The following SNTG1 variants were observed in gnomAD, a reference collection of about 807,000 sequenced individuals.
The protein encoded by SNTG1 is syntrophin gamma 1.
In SNTG1, 39 loss-of-function variants were observed where a neutral mutation model predicts 74.7. The ratio of observed to expected loss-of-function variants is 0.52; its 90% CI spans 0.40 to 0.68. The LOEUF (loss-of-function observed/expected upper bound fraction) is 0.68. SNTG1 is among the 30% of genes least tolerant of loss of function. The pLI, the probability that SNTG1 is intolerant of heterozygous loss-of-function variation, is 0.00. For synonymous variants in SNTG1, 254 were observed against 217.1 expected, an observed-to-expected ratio of 1.17 and a Z score of -1.49; for missense variants, 685 against 609.5, an observed-to-expected ratio of 1.12 and a Z score of -1.30.
At chr8:50,402,659 T>C (rs535776279) in intron 4 of SNTG1, among the ~76,000 whole-genome samples, 145 of 152,280 alleles carry the variant, frequency 9.5e-4, no homozygotes, top group Non-Finnish European at 1.6e-3. Context: ...CTGTGCATGG[T>C]GATGGCTTTT....
In SNTG1 at chr8:49,942,681, G is replaced by A. The variant is rs73569327; in HGVS notation, c.-103+30450G>A. Among the ~76,000 whole-genome samples, 1,232 of 152,208 alleles carry A rather than the reference G, an allele frequency of 8.1e-3. 23 individuals carry two copies. The highest frequency in any genetic ancestry group is 0.027 in the African/African-American group (1,118 of 41,532). On this transcript the variant is annotated intron_variant, in intron 1 of 18. Coordinates refer to ENST00000642720, the MANE Select transcript of SNTG1 (RefSeq NM_018967.5). ...GAGGCATAATTGTCAGATATTCTAT[G>A]GGATGTCCCTATATTGGGGTTTCTT...
rs780299204 is a variant in SNTG1 at position 50,792,562 on chromosome 8, A to G, written c.1396-109A>G. 32 of 1,128,550 alleles carry G rather than the reference A, an allele frequency of 2.8e-5. 1 individual carries two copies. The highest frequency in any genetic ancestry group is 4.0e-5 in the Non-Finnish European group (32 of 803,328). 69.9% of individuals were successfully genotyped at this position (1,128,550 alleles called of 1,614,324 possible). On this transcript the variant is annotated intron_variant, in intron 18 of 18. Coordinates refer to ENST00000642720, the MANE Select transcript of SNTG1 (RefSeq NM_018967.5). ...TGAAATTAGTTTCCACATGTTACAT[A>G]TCATAGATTCTAGATAAGTGTATTG...
chr8:50,480,417 A>G (rs1467663670), intron 8 of SNTG1, among the ~76,000 whole-genome samples: 1 of 152,198 alleles, frequency 6.6e-6, no homozygotes, highest in African/African-American at 2.4e-5. Flanking sequence ...AATATGTGTA[A>G]GGCCACTGTA....
intron 2 of SNTG1, among the ~76,000 whole-genome samples, chr8:50,201,961 C>G (rs1376393796): frequency 6.6e-6 from 1 of 152,066 alleles, no homozygotes; most frequent in Non-Finnish European, 1.5e-5. Flanking sequence ...ACAAGTATAG[C>G]AATATGAGGA....
At chr8:49,968,628 G>A (rs548795206) in intron 1 of SNTG1, among the ~76,000 whole-genome samples, 2 of 152,230 alleles carry the variant, frequency 1.3e-5, no homozygotes, top group Non-Finnish European at 2.9e-5. Context: ...CAATTTGGGA[G>A]GATCAGATGT....
At chr8:50,452,348 C>T (rs1219695080) in intron 8 of SNTG1, among the ~76,000 whole-genome samples, 3 of 152,186 alleles carry the variant, frequency 2.0e-5, no homozygotes, top group Non-Finnish European at 4.4e-5. Context: ...AGCACAGAGC[C>T]TTCTATCTTG....
chr8:50,039,879 G>A (rs540963814), intron 1 of SNTG1, among the ~76,000 whole-genome samples: 1 of 152,204 alleles, frequency 6.6e-6, no homozygotes, highest in South Asian at 2.1e-4. Context: ...TTGACTGCCC[G>A]GGGTGTGGAG....
chr8:50,224,666 A>G (rs1259467781), intron 2 of SNTG1, among the ~76,000 whole-genome samples: 1 of 152,202 alleles, frequency 6.6e-6, no homozygotes, highest in Non-Finnish European at 1.5e-5. Flanking sequence ...GTTCTAGTTC[A>G]GGCCAAGATG....
rs140782595 is a variant in SNTG1, at chr8:50,175,741, G to A, written c.-28+3106G>A. 2.6e-5 allele frequency among the ~76,000 whole-genome samples: 4 copies of A among 152,250 alleles called. No homozygotes were observed. The East Asian group carries it at 5.8e-4, about 22-fold the overall frequency. On this transcript the variant is annotated intron_variant, in intron 2 of 18. Coordinates refer to ENST00000642720, the MANE Select transcript of SNTG1 (RefSeq NM_018967.5). ...AAATAATGGAAATTCACTTGAGGGC[G>A]GCTATTCTCATCCTCAAGCCACCTT...
intron 2 of SNTG1, among the ~76,000 whole-genome samples, chr8:50,304,510 CA>C (rs535409924): frequency 8.4e-4 from 127 of 151,868 alleles, no homozygotes; most frequent in Middle Eastern, 3.4e-3. Context: ...TAGACTGACA[CA>C]TTAAAACAAA....
At chr8:50,218,525 G>A (rs749455693) in intron 2 of SNTG1, among the ~76,000 whole-genome samples, 15 of 151,732 alleles carry the variant, frequency 9.9e-5, no homozygotes, top group Non-Finnish European at 1.6e-4. Context: ...CTTATAAAGT[G>A]CTTAATAATC....
intron 18 of SNTG1, among the ~76,000 whole-genome samples, chr8:50,755,207 T>C (rs2095577288): frequency 6.6e-6 from 1 of 151,876 alleles, no homozygotes; most frequent in Non-Finnish European, 1.5e-5. Context: ...TCTGCCATTA[T>C]AGTATCATAG....
intron 15 of SNTG1, among the ~76,000 whole-genome samples, chr8:50,669,754 A>G (rs530108291): frequency 1.3e-5 from 2 of 152,008 alleles, no homozygotes; most frequent in South Asian, 4.2e-4. Context: ...AGAATTTTAG[A>G]CTAATATCCT....
At chr8:50,220,052 C>T (rs1373990647) in intron 2 of SNTG1, among the ~76,000 whole-genome samples, 2 of 152,008 alleles carry the variant, frequency 1.3e-5, no homozygotes, top group Non-Finnish European at 2.9e-5. Context: ...GAGAAATTGA[C>T]ATATCTGGAA....
chr8:49,916,177 T>TC (rs1806010663), intron 1 of SNTG1, among the ~76,000 whole-genome samples: 1 of 5,178 alleles, frequency 1.9e-4, no homozygotes, highest in Non-Finnish European at 6.3e-3. Context: ...ATAATTCAGA[T>TC]TTTTTTTTGT....
chr8:50,659,803 C>T (rs911425254), intron 15 of SNTG1, among the ~76,000 whole-genome samples: 12 of 152,266 alleles, frequency 7.9e-5, no homozygotes, highest in East Asian at 1.9e-4. Flanking sequence ...ATACACGACT[C>T]CAGTTTTCTG....
At chr8:50,386,524 A>T (rs1421510866) in intron 2 of SNTG1, among the ~76,000 whole-genome samples, 1 of 151,924 alleles carries the variant, frequency 6.6e-6, no homozygotes, top group Non-Finnish European at 1.5e-5. Context: ...TTATTAGTTC[A>T]TTTGTATTGC....
chr8:50,620,715 T>C (rs2094917263), intron 13 of SNTG1, among the ~76,000 whole-genome samples: 1 of 152,210 alleles, frequency 6.6e-6, no homozygotes, highest in African/African-American at 2.4e-5. Context: ...TTGTTCCATG[T>C]GGAGGAGACT....
intron 2 of SNTG1, among the ~76,000 whole-genome samples, chr8:50,304,846 C>A (rs541004221): frequency 2.6e-5 from 4 of 152,018 alleles, no homozygotes; most frequent in East Asian, 1.9e-4. Flanking sequence ...GTTATTTGAA[C>A]CTTATTCTCT....
Sources: allele counts gnomAD v4.1 joint callset (sites outside exome capture counted in the v4.1 genomes callset), GRCh38; gene constraint gnomAD v4.1.1; transcripts MANE v1.5; gene names NCBI Gene and HGNC (gene_info 2026-07-23, HGNC 2026-07-21).